DTNB: variants seen among roughly 807,000 people sequenced by gnomAD.
DTNB encodes DTN-B.
Under a neutral mutation model 90.7 loss-of-function variants are expected in DTNB, and 63 were observed. The observed-to-expected ratio is 0.69, with a 90% confidence interval of 0.57 to 0.86. The LOEUF is 0.86. Among genes scored for constraint, DTNB ranks in the 40% least tolerant of loss-of-function variants. The pLI, the probability that DTNB is intolerant of heterozygous loss-of-function variation, is 0.00. For missense variants in DTNB, 744 were observed against 807.1 expected (o/e 0.92, Z 0.95); for synonymous variants, 277 against 286.7 (o/e 0.97, Z 0.34).
chr2:25,571,293 T>C (rs947032399), intron 8 of DTNB, among the ~76,000 whole-genome samples: 6 of 152,220 alleles, frequency 3.9e-5, no homozygotes, highest in African/African-American at 1.4e-4. Context: ...TCTTTTCTAC[T>C]GTCTACTCTT....
intron 6 of DTNB, among the ~76,000 whole-genome samples, chr2:25,581,325 A>T (rs2061523671): frequency 6.6e-6 from 1 of 152,208 alleles, no homozygotes; most frequent in African/African-American, 2.4e-5. Flanking sequence ...AAAGATAATA[A>T]TAATAATTTA....
chr2:25,588,514 C>T lies in DTNB; in HGVS notation c.603+7572G>A, dbSNP rs548881422. Among the ~76,000 whole-genome samples, 12 of 152,156 alleles carry T rather than the reference C, an allele frequency of 7.9e-5. No individual in the cohort carries two copies. The East Asian group carries it at 9.7e-4, about 12-fold the overall frequency. ...CCAAGTAGCTGGGACTACAGGCGCA[C>T]GCACCACGCGCAGCTAATTTTTGTA... is the stretch of plus-strand genomic sequence containing the variant. On this transcript the variant is annotated intron_variant, in intron 6 of 20. Coordinates refer to ENST00000406818, the MANE Select transcript of DTNB (RefSeq NM_021907.5).
intron 14 of DTNB, among the ~76,000 whole-genome samples, chr2:25,430,340 C>A (rs1428270885): frequency 1.3e-5 from 2 of 152,044 alleles, no homozygotes; most frequent in African/African-American, 2.4e-5. Context: ...GTGCAGTAGA[C>A]CCTCGATAAG....
At chr2:25,500,234 G>A (rs1157299698) in intron 9 of DTNB, among the ~76,000 whole-genome samples, 1 of 152,050 alleles carries the variant, frequency 6.6e-6, no homozygotes. Flanking sequence ...CTTAAGCAAT[G>A]TATTGGCTGA....
chr2:25,669,622 C>T (rs6721334), intron 1 of DTNB, among the ~76,000 whole-genome samples: 44,762 of 152,060 alleles, frequency 0.29, 7,551 homozygotes, highest in Non-Finnish European at 0.4. Context: ...CACAGACCCA[C>T]TGAAGAATCA....
At chr2:25,578,789 C>T (rs1042826146) in intron 7 of DTNB, among the ~76,000 whole-genome samples, 2 of 152,006 alleles carry the variant, frequency 1.3e-5, no homozygotes, top group Non-Finnish European at 2.9e-5. Context: ...TTAAAAAGTG[C>T]AACTTTTGCT....
chr2:25,459,257 T>C (rs2060550484), intron 10 of DTNB, among the ~76,000 whole-genome samples: 1 of 152,140 alleles, frequency 6.6e-6, no homozygotes, highest in Non-Finnish European at 1.5e-5. Context: ...TCTCGTCTGT[T>C]AGACTGCCTG....
chr2:25,420,068 G>A lies in DTNB; in HGVS notation c.1555-533C>T, dbSNP rs116739813. Among the ~76,000 whole-genome samples, 1,342 of 152,152 alleles carry A rather than the reference G, an allele frequency of 8.8e-3. 27 individuals are homozygous for A. The highest frequency in any genetic ancestry group is 0.031 in the African/African-American group (1,283 of 41,478). On this transcript the variant is annotated intron_variant, in intron 15 of 20. Coordinates refer to ENST00000406818, the MANE Select transcript of DTNB (RefSeq NM_021907.5). ...TGCCTCACCCTATCCCCACCAAACC[G>A]AAGCTCTAGGGGTGGGCCACAGCAA...
chr2:25,401,325 A>C (rs1233532904), intron 16 of DTNB, among the ~76,000 whole-genome samples: 1 of 152,220 alleles, frequency 6.6e-6, no homozygotes, highest in African/African-American at 2.4e-5. Context: ...GGGATTATGA[A>C]AATCTCTTAT....
rs542243772 is a variant in DTNB, at chr2:25,411,779, AT to A, written c.1575+7735del. Among the ~76,000 whole-genome samples the A allele has an allele frequency of 1.4e-4, 21 of 152,298 alleles. No homozygotes were observed. In the South Asian group the frequency reaches 4.4e-3, roughly 32 times the overall value. On this transcript the variant is annotated intron_variant, in intron 16 of 20. Transcript: ENST00000406818. ...TATTTGATGGTGGTATTTGTGTACG[AT>A]TTCTCTTTTTATCCTCCAAAAGGCC...
Position 25,525,461 on chromosome 2 carries a change from A to AC in DTNB, c.1001+6011dup, listed in dbSNP as rs576351929. Among the ~76,000 whole-genome samples, 408 of 152,174 alleles carry AC rather than the reference A, an allele frequency of 2.7e-3. 3 individuals carry two copies. The highest frequency in any genetic ancestry group is 9.0e-3 in the African/African-American group (373 of 41,498). ...AGACCAGCCTGGCCAACATTGTGAA[A>AC]CCCCACCTCTACCAAAAATATAAAA... On this transcript the variant is annotated intron_variant, in intron 9 of 20. Coordinates refer to ENST00000406818, the MANE Select transcript of DTNB (RefSeq NM_021907.5).
chr2:25,447,378 T>G (rs2058570670), intron 12 of DTNB, among the ~76,000 whole-genome samples: 1 of 152,074 alleles, frequency 6.6e-6, no homozygotes, highest in Non-Finnish European at 1.5e-5. Context: ...TAACGTAATG[T>G]AAATGTACCC....
intron 9 of DTNB, among the ~76,000 whole-genome samples, chr2:25,492,912 G>A (rs1254871675): frequency 6.6e-6 from 1 of 152,142 alleles, no homozygotes; most frequent in Non-Finnish European, 1.5e-5. Context: ...GAGATTTGGG[G>A]CACCTGTCAG....
intron 10 of DTNB, among the ~76,000 whole-genome samples, chr2:25,462,508 T>A (rs2061122819): frequency 2.0e-5 from 3 of 152,204 alleles, no homozygotes; most frequent in Admixed American, 6.5e-5. Context: ...AACTTCTCTA[T>A]GCTTAGTCCC....
At chr2:25,669,764 T>C (rs1057243966) in intron 1 of DTNB, among the ~76,000 whole-genome samples, 1 of 152,150 alleles carries the variant, frequency 6.6e-6, no homozygotes, top group African/African-American at 2.4e-5. Context: ...CTTGCCAGCC[T>C]GAGCAACATG....
chr2:25,542,427 T>C (rs2081477111), intron 8 of DTNB, among the ~76,000 whole-genome samples: 1 of 152,206 alleles, frequency 6.6e-6, no homozygotes, highest in Admixed American at 6.5e-5. Flanking sequence ...TTTTCTACTA[T>C]CTTCTTCATG....
intron 9 of DTNB, among the ~76,000 whole-genome samples, chr2:25,520,732 A>G (rs961707297): frequency 5.3e-5 from 8 of 152,244 alleles, no homozygotes; most frequent in Admixed American, 2.6e-4. Context: ...TTTATGAGGT[A>G]TAGGAAAAAA....
At chr2:25,539,563 T>C (rs533965145) in intron 8 of DTNB, among the ~76,000 whole-genome samples, 1 of 151,216 alleles carries the variant, frequency 6.6e-6, no homozygotes, top group African/African-American at 2.4e-5. Flanking sequence ...TGTCATAGGG[T>C]TGCACTGGAT....
At chr2:25,623,645 A>G (rs567056497) in intron 4 of DTNB, among the ~76,000 whole-genome samples, 22 of 152,324 alleles carry the variant, frequency 1.4e-4, no homozygotes, top group South Asian at 1.2e-3. Context: ...CCTTTCTTGA[A>G]GAAAACATCA....
Sources: allele counts gnomAD v4.1 joint callset (sites outside exome capture counted in the v4.1 genomes callset), GRCh38; gene constraint gnomAD v4.1.1; transcripts MANE v1.5; gene names NCBI Gene and HGNC (gene_info 2026-07-23, HGNC 2026-07-21).